The following SNX29 variants were observed in gnomAD, a reference collection of about 807,000 sequenced individuals.
SNX29 encodes the protein sorting nexin 29, also known as sorting nexin-29.
Under a neutral mutation model 102.1 loss-of-function variants are expected in SNX29, and 78 were observed. The ratio of observed to expected loss-of-function variants is 0.76; its 90% CI spans 0.64 to 0.92. SNX29 has a LOEUF of 0.92. Ranked by LOEUF, SNX29 falls within the 40% of genes least tolerant of loss-of-function variation. SNX29 has a pLI of 0.00. For synonymous variants in SNX29, 580 were observed against 414.5 expected (o/e 1.40, Z -4.85); for missense variants, 1,280 against 1,061.7 (o/e 1.21, Z -2.86).
intron 20 of SNX29, 119 bp from the exon 21 acceptor site, chr16:12,568,387 G>C (rs1598125868): frequency 2.2e-6 from 3 of 1,342,262 alleles, no homozygotes; most frequent in South Asian, 2.7e-5. Flanking sequence ...CAGATCCAAT[G>C]AGCCAGTCAC....
chr16:12,547,091 G>A (rs560379902), intron 20 of SNX29, among the ~76,000 whole-genome samples: 2 of 152,210 alleles, frequency 1.3e-5, no homozygotes, highest in Non-Finnish European at 2.9e-5. Flanking sequence ...TATGTGAGGT[G>A]GCGATTTCCA....
Position 12,279,769 on chromosome 16 carries a change from C to G in SNX29, c.1782+1733C>G, listed in dbSNP as rs2079373347. On this transcript the variant is annotated intron_variant, in intron 15 of 20. Transcript: ENST00000566228. ...TGCGTAACCCTTGAATTTTTAAGTT[C>G]TCCTGGGATGGGGATGTCTGGATTT... Among the ~76,000 whole-genome samples, 5 of 152,202 alleles carry G rather than the reference C, an allele frequency of 3.3e-5. No homozygotes were observed. The South Asian group carries it at 1.0e-3, about 32-fold the overall frequency.
intron 20 of SNX29, among the ~76,000 whole-genome samples, chr16:12,525,921 G>C (rs1318031527): frequency 6.6e-6 from 1 of 152,054 alleles, no homozygotes; most frequent in South Asian, 2.1e-4. Context: ...CCTTGCCACT[G>C]ATTAGTCCAC....
Position 12,392,196 on chromosome 16 carries a change from C to G in SNX29, c.1900-6250C>G, listed in dbSNP as rs148672626. On this transcript the variant is annotated intron_variant, in intron 16 of 20. Coordinates refer to ENST00000566228, the MANE Select transcript of SNX29 (RefSeq NM_032167.5). ...ATCTCCTCCTCTTTAGAGGAGATGC[C>G]TGCTGTTCTTTTCATAGCTGCGCAG... is the stretch of plus-strand genomic sequence containing the variant. 9.1e-4 allele frequency among the ~76,000 whole-genome samples: 139 copies of G among 152,298 alleles called. 1 individual carries two copies. The East Asian group carries it at 0.017, about 18-fold the overall frequency.
intron 14 of SNX29, among the ~76,000 whole-genome samples, chr16:12,240,437 TTG>T (rs2078067046): frequency 6.6e-6 from 1 of 152,192 alleles, no homozygotes; most frequent in Non-Finnish European, 1.5e-5. Flanking sequence ...TCCAGGACTA[TTG>T]ACCATTTGTT....
intron 15 of SNX29, among the ~76,000 whole-genome samples, chr16:12,288,881 A>C (rs2079697258): frequency 6.6e-6 from 1 of 152,108 alleles, no homozygotes; most frequent in South Asian, 2.1e-4. Context: ...GGTAGAAGCA[A>C]GATTTGACCC....
chr16:12,316,552 CA>C lies in SNX29; in HGVS notation c.1782+38523del, dbSNP rs557621394. Among the ~76,000 whole-genome samples the C allele has an allele frequency of 4.4e-3, 674 of 152,122 alleles. 7 individuals carry two copies. The highest frequency in any genetic ancestry group is 4.1e-3 in the Non-Finnish European group (277 of 67,976). ...AGCGAAACTCCATTTCAAAAAACAA[CA>C]AAAAAAGTCCTCTTCTTACCCAAAT... On this transcript the variant is annotated intron_variant, in intron 15 of 20. Coordinates refer to ENST00000566228, the MANE Select transcript of SNX29 (RefSeq NM_032167.5).
intron 13 of SNX29, among the ~76,000 whole-genome samples, chr16:12,163,876 G>T (rs1381894228): frequency 6.6e-6 from 1 of 152,190 alleles, no homozygotes; most frequent in East Asian, 1.9e-4. Context: ...TGTAGGTGAG[G>T]AGAGGGTGTG....
chr16:12,174,412 G>A (rs541451594), intron 13 of SNX29, among the ~76,000 whole-genome samples: 2 of 152,198 alleles, frequency 1.3e-5, no homozygotes, highest in Non-Finnish European at 2.9e-5. Flanking sequence ...AAGATACATC[G>A]TTTGAGATTT....
Position 11,982,554 on chromosome 16 carries a change from C to T in SNX29, c.7+5741C>T, listed in dbSNP as rs868721154. Among the ~76,000 whole-genome samples the T allele has an allele frequency of 7.3e-5, 11 of 151,462 alleles. No individual in the cohort carries two copies. The East Asian group carries it at 7.8e-4, about 11-fold the overall frequency. On this transcript the variant is annotated intron_variant, in intron 1 of 20. Coordinates refer to ENST00000566228, the MANE Select transcript of SNX29 (RefSeq NM_032167.5). ...AGGCCATTCTCCTGCCTCAGCCTCC[C>T]GAGTAGCTGGGACTACAGGCGCTTG...
At chr16:12,505,846 A>T (rs950545317) in intron 19 of SNX29, among the ~76,000 whole-genome samples, 1 of 151,342 alleles carries the variant, frequency 6.6e-6, no homozygotes, top group Non-Finnish European at 1.5e-5. Flanking sequence ...GAGTATCAGC[A>T]TCTTCATGAT....
intron 15 of SNX29, among the ~76,000 whole-genome samples, chr16:12,292,445 A>G (rs914155060): frequency 6.6e-6 from 1 of 152,130 alleles, no homozygotes; most frequent in Non-Finnish European, 1.5e-5. Context: ...GGAGAGCTGC[A>G]CCTTCCTCCC....
chr16:11,979,142 G>T (rs1383446263), intron 1 of SNX29, among the ~76,000 whole-genome samples: 1 of 151,292 alleles, frequency 6.6e-6, no homozygotes, highest in Non-Finnish European at 1.5e-5. Flanking sequence ...GGGCATAGTG[G>T]CAGGCGCCTG....
chr16:12,221,096 G>A (rs1039272942), intron 14 of SNX29, among the ~76,000 whole-genome samples: 5 of 151,746 alleles, frequency 3.3e-5, no homozygotes, highest in African/African-American at 4.9e-5. Flanking sequence ...TATATGAATC[G>A]TATGATGAAG....
intron 13 of SNX29, among the ~76,000 whole-genome samples, chr16:12,154,285 G>A (rs2055432930): frequency 6.6e-6 from 1 of 152,138 alleles, no homozygotes; most frequent in Non-Finnish European, 1.5e-5. Context: ...TATTTTTAGA[G>A]GTGAAAACTG....
chr16:12,532,156 G>C, intron 20 of SNX29, among the ~76,000 whole-genome samples: 1 of 152,222 alleles, frequency 6.6e-6, no homozygotes, highest in East Asian at 1.9e-4. Flanking sequence ...GTAACTGTGT[G>C]TTCCTGGCTC....
chr16:12,077,913 A>G (rs985684549), intron 10 of SNX29, among the ~76,000 whole-genome samples: 2 of 152,018 alleles, frequency 1.3e-5, no homozygotes, highest in Non-Finnish European at 2.9e-5. Context: ...GAGCCACCAC[A>G]CCTGGCCTGG....
intron 20 of SNX29, among the ~76,000 whole-genome samples, chr16:12,534,091 C>A (rs892096379): frequency 6.6e-6 from 1 of 152,186 alleles, no homozygotes; most frequent in African/African-American, 2.4e-5. Context: ...TCCCACTTGA[C>A]CCCAGGGGAT....
At chr16:12,308,034 A>G (rs1324577016) in intron 15 of SNX29, among the ~76,000 whole-genome samples, 1 of 152,214 alleles carries the variant, frequency 6.6e-6, no homozygotes, top group Non-Finnish European at 1.5e-5. Context: ...CATGGTGCTC[A>G]TATGGGAGAG....
Sources: gnomAD v4.1 joint callset for allele counts (sites outside exome capture counted in the v4.1 genomes callset) on GRCh38, gnomAD v4.1.1 for gene constraint, MANE v1.5 for transcripts, NCBI Gene and HGNC (gene_info 2026-07-23, HGNC 2026-07-21) for gene names.